Variants in MYLK4 observed in about 807,000 individuals in gnomAD.
MYLK4 encodes the protein caMLCK like.
Under a neutral mutation model 48.1 loss-of-function variants are expected in MYLK4, and 46 were observed. The ratio of observed to expected loss-of-function variants is 0.96; its 90% CI spans 0.75 to 1.22. The LOEUF is 1.22. Among genes scored for constraint, MYLK4 ranks in the 50% most tolerant of loss-of-function variants. The pLI is 0.00. For missense variants in MYLK4, 451 were observed against 486.1 expected, an observed-to-expected ratio of 0.93 and a Z score of 0.68; for synonymous variants, 170 against 180.8, an observed-to-expected ratio of 0.94 and a Z score of 0.48.
At chr6:2,712,982 T>C (rs936868142) in intron 2 of MYLK4, among the ~76,000 whole-genome samples, 14 of 152,250 alleles carry the variant, frequency 9.2e-5, no homozygotes, top group African/African-American at 3.4e-4. Flanking sequence ...TCAAAGACTA[T>C]GCTTCTCTGT....
chr6:2,755,603 G>A (rs560503011), upstream of MYLK4, among the ~76,000 whole-genome samples: 3 of 152,052 alleles, frequency 2.0e-5, no homozygotes, highest in Non-Finnish European at 4.4e-5. Flanking sequence ...GTGCAGTGGC[G>A]TGAACACAGC....
chr6:2,770,128 C>G, the MYLK4 span: 1 of 1,614,230 alleles, frequency 6.2e-7, no homozygotes, highest in African/African-American at 1.3e-5. Context: ...AGGACACTTT[C>G]CTTCCTCACG....
chr6:2,686,103 A>G (rs1437851450), intron 4 of MYLK4, among the ~76,000 whole-genome samples: 2 of 151,858 alleles, frequency 1.3e-5, no homozygotes, highest in South Asian at 2.1e-4. Context: ...AGAAAGAAAA[A>G]AAAAAAGAAT....
At position 2,666,766 on chromosome 6, in the gene MYLK4, T is replaced by C. The variant is rs1457891471; in HGVS notation, c.*1159A>G. ...AGCTGTCTACAGTAGGGCCATTTCCTTTCTTACATATCTGCCATGAAATGG... is the reference window on the plus strand; with the variant it reads ...AGCTGTCTACAGTAGGGCCATTTCCCTTCTTACATATCTGCCATGAAATGG... On this transcript the variant is annotated 3_prime_UTR_variant, in exon 13 of 13. Transcript: ENST00000274643. 2.6e-5 allele frequency: 4 copies of C among 152,258 alleles called. No homozygotes were observed. The highest frequency in any genetic ancestry group is 5.9e-5 in the Non-Finnish European group (4 of 68,060). 9.4% of individuals were successfully genotyped at this position (152,258 alleles called of 1,614,324 possible).
intron 3 of MYLK4, among the ~76,000 whole-genome samples, chr6:2,692,581 G>A (rs1305964482): frequency 7.1e-6 from 1 of 140,072 alleles, no homozygotes; most frequent in African/African-American, 2.7e-5. Context: ...TGACCAATTG[G>A]GTTCCAAAAG....
intron 1 of MYLK4, among the ~76,000 whole-genome samples, chr6:2,750,457 G>GA (rs34797211): frequency 1.8e-4 from 28 of 152,080 alleles, no homozygotes; most frequent in Non-Finnish European, 2.9e-5. Context: ...AAATTGCCCT[G>GA]AAAAAATTAT....
At chr6:2,715,779 A>G (rs1762844981) in intron 2 of MYLK4, among the ~76,000 whole-genome samples, 1 of 152,198 alleles carries the variant, frequency 6.6e-6, no homozygotes, top group Non-Finnish European at 1.5e-5. Context: ...AGAGGGGCCT[A>G]TTTGTAGCAT....
At chr6:2,695,738 C>T (rs1269367366) in intron 2 of MYLK4, among the ~76,000 whole-genome samples, 11 of 152,314 alleles carry the variant, frequency 7.2e-5, no homozygotes, top group Non-Finnish European at 1.6e-4. Flanking sequence ...CTGTATTTCT[C>T]CTTTTCTTTT....
rs542793160 is a variant in MYLK4, at chr6:2,744,404, A to G, written c.159+4732T>C. ...TGCCGAGGCTGGGCCACTGCCAGGG[A>G]GCTTTCTCCTGCCCTTACAGGGTGA... On this transcript the variant is annotated intron_variant, in intron 2 of 12. Transcript: ENST00000274643. Among the ~76,000 whole-genome samples, 24 of 152,342 alleles carry G rather than the reference A, an allele frequency of 1.6e-4. No individual in the cohort carries two copies. In the South Asian group the frequency reaches 4.8e-3, roughly 30 times the overall value.
chr6:2,698,368 T>C (rs933954264), intron 2 of MYLK4, among the ~76,000 whole-genome samples: 2 of 152,028 alleles, frequency 1.3e-5, no homozygotes, highest in Non-Finnish European at 2.9e-5. Flanking sequence ...AACAAGGGGG[T>C]TATCAGGATA....
chr6:2,767,934 A>AC, the MYLK4 span, among the ~76,000 whole-genome samples: 1 of 152,238 alleles, frequency 6.6e-6, no homozygotes, highest in Non-Finnish European at 1.5e-5. Context: ...CAACTTTTAG[A>AC]AAAGAAAGTA....
chr6:2,767,696 A>G, the MYLK4 span, among the ~76,000 whole-genome samples: 19 of 152,232 alleles, frequency 1.2e-4, no homozygotes, highest in Non-Finnish European at 2.6e-4. Context: ...ATGAGAATGG[A>G]TAATCAGCTG....
At chr6:2,679,259 A>T in intron 9 of MYLK4, 21 bp downstream of exon 9, 1 of 1,613,958 alleles carries the variant, frequency 6.2e-7, no homozygotes. Context: ...GAAGGGTCAG[A>T]GACAGAGGAG....
intron 2 of MYLK4, among the ~76,000 whole-genome samples, chr6:2,747,243 C>T (rs1279466545): frequency 2.0e-5 from 3 of 152,106 alleles, no homozygotes; most frequent in Non-Finnish European, 4.4e-5. Flanking sequence ...TCAAAAACAC[C>T]CTAAAAATAT....
Position 2,683,305 on chromosome 6 carries a change from AC to A in MYLK4, c.546-144del, listed in dbSNP as rs1761389381. 5 of 854,554 alleles carry A rather than the reference AC, an allele frequency of 5.9e-6. No individual in the cohort carries two copies. In the Admixed American group the frequency reaches 1.3e-4, roughly 22 times the overall value. 52.9% of individuals were successfully genotyped at this position (854,554 alleles called of 1,614,324 possible). On this transcript the variant is annotated intron_variant, in intron 6 of 12. Transcript: ENST00000274643. ...ATTTCTCTGCCTTCTTTACTATCTT[AC>A]TTAGATGATTCTTATCTTGAAGGCC...
At chr6:2,711,149 G>T (rs987086769) in intron 2 of MYLK4, among the ~76,000 whole-genome samples, 1 of 152,168 alleles carries the variant, frequency 6.6e-6, no homozygotes, top group African/African-American at 2.4e-5. Context: ...AAGAACTGCT[G>T]CTCAGGTTCA....
At chr6:2,737,823 T>C (rs1352929701) in intron 2 of MYLK4, among the ~76,000 whole-genome samples, 2 of 152,022 alleles carry the variant, frequency 1.3e-5, no homozygotes, top group Non-Finnish European at 2.9e-5. Context: ...CAATATGCCC[T>C]ATAAATTACT....
intron 7 of MYLK4, among the ~76,000 whole-genome samples, chr6:2,682,706 A>T (rs1352568708): frequency 6.6e-6 from 1 of 152,192 alleles, no homozygotes; most frequent in African/African-American, 2.4e-5. Context: ...TGTCCTGATG[A>T]GAGGGCTACC....
chr6:2,766,210 C>T, the MYLK4 span: 8 of 1,462,924 alleles, frequency 5.5e-6, no homozygotes, highest in Middle Eastern at 2.3e-4. Context: ...CTGCCGAAGC[C>T]GCCACCGCCT....
Sources: allele counts gnomAD v4.1 joint callset (sites outside exome capture counted in the v4.1 genomes callset), GRCh38; gene constraint gnomAD v4.1.1; transcripts MANE v1.5; gene names NCBI Gene and HGNC (gene_info 2026-07-23, HGNC 2026-07-21).